The following TNS1 variants were observed in gnomAD, a reference collection of about 807,000 sequenced individuals.
TNS1 encodes the protein tensin-1.
TNS1 carries 62 observed loss-of-function variants against 168.6 expected under a neutral mutation model. The ratio of observed to expected loss-of-function variants is 0.37; its 90% CI spans 0.30 to 0.45. The LOEUF is 0.45. Ranked by LOEUF, TNS1 falls within the 20% of genes least tolerant of loss-of-function variation. The pLI is 1.00. For synonymous variants in TNS1, 934 were observed against 933.2 expected, an observed-to-expected ratio of 1.00 and a Z score of -0.02; for missense variants, 2,240 against 2,339.4, an observed-to-expected ratio of 0.96 and a Z score of 0.88.
chr2:217,829,320 G>C (rs1206028175), intron 22 of TNS1, among the ~76,000 whole-genome samples: 1 of 152,144 alleles, frequency 6.6e-6, no homozygotes, highest in Non-Finnish European at 1.5e-5. Flanking sequence ...GGGAGGCAGA[G>C]GTTGCAGTGA....
intron 1 of TNS1, among the ~76,000 whole-genome samples, chr2:218,024,227 G>A (rs941951048): frequency 4.6e-5 from 7 of 152,122 alleles, no homozygotes; most frequent in African/African-American, 1.7e-4. Flanking sequence ...TGAAGCCTTG[G>A]GGACATAGTG....
intron 8 of TNS1, among the ~76,000 whole-genome samples, chr2:217,897,479 T>C (rs551658796): frequency 6.6e-6 from 1 of 152,216 alleles, no homozygotes; most frequent in Non-Finnish European, 1.5e-5. Context: ...GGAAAGCAGT[T>C]GGAACAGGGC....
At chr2:218,024,317 C>G (rs978191252) in intron 1 of TNS1, among the ~76,000 whole-genome samples, 1 of 151,952 alleles carries the variant, frequency 6.6e-6, no homozygotes, top group Admixed American at 6.6e-5. Flanking sequence ...CCCATCCCCC[C>G]ACGGAATACT....
chr2:217,905,969 AC>A (rs1343228068), intron 6 of TNS1, among the ~76,000 whole-genome samples: 2 of 151,580 alleles, frequency 1.3e-5, no homozygotes, highest in African/African-American at 4.9e-5. Flanking sequence ...AAGGACTAAG[AC>A]CCCCCGCCAA....
At chr2:217,843,795 C>T (rs979537004) in intron 19 of TNS1, among the ~76,000 whole-genome samples, 2 of 152,176 alleles carry the variant, frequency 1.3e-5, no homozygotes, top group Non-Finnish European at 2.9e-5. Context: ...CTCTACCTCC[C>T]TTCATGGCCA....
intron 3 of TNS1, among the ~76,000 whole-genome samples, chr2:217,925,883 A>G (rs1351494964): frequency 6.6e-6 from 1 of 152,176 alleles, no homozygotes; most frequent in African/African-American, 2.4e-5. Context: ...AAGAGTAATC[A>G]TATAATATTT....
intron 13 of TNS1, 39 bp downstream of exon 13, chr2:217,886,495 G>C (rs1207707553): frequency 6.7e-7 from 1 of 1,486,278 alleles, no homozygotes; most frequent in Admixed American, 1.9e-5. Context: ...AAAGGGAGGA[G>C]TTGGCAAGGG....
At chr2:217,973,875 G>T (rs1177186637) in intron 3 of TNS1, among the ~76,000 whole-genome samples, 1 of 152,232 alleles carries the variant, frequency 6.6e-6, no homozygotes. Context: ...AAACGGGAAA[G>T]AACCCAAATG....
chr2:217,884,147 G>GTGGATGGATGGATGGATGGATGGA (rs562041033), intron 16 of TNS1, among the ~76,000 whole-genome samples: 42 of 119,668 alleles, frequency 3.5e-4, no homozygotes, highest in African/African-American at 1.1e-3. Flanking sequence ...GGGTGGGTGG[G>GTGGATGGATGGATGGATGGATGGA]TGGATGGATG....
At position 217,856,549 on chromosome 2, in the gene TNS1, G is replaced by A. The variant is rs375262681; in HGVS notation, c.1430-7462C>T. Among the ~76,000 whole-genome samples, 196 of 152,276 alleles carry A rather than the reference G, an allele frequency of 1.3e-3. 1 individual carries two copies. Among genetic ancestry groups the A allele is most frequent in the South Asian group, 0.011 (53 of 4,814 alleles). Reference sequence around the variant, plus strand: ...GGCTCTGAAGATCTGCAGAATTAGAGGTTGAAGAGAAATCCCGGAACCTCT... The same window carrying A: ...GGCTCTGAAGATCTGCAGAATTAGAAGTTGAAGAGAAATCCCGGAACCTCT... On this transcript the variant is annotated intron_variant, in intron 18 of 32. Coordinates refer to ENST00000682258, the MANE Select transcript of TNS1 (RefSeq NM_001387777.1).
chr2:217,905,240 G>A, intron 6 of TNS1: 2 of 288,962 alleles, frequency 6.9e-6, no homozygotes, highest in Non-Finnish European at 1.4e-5. Flanking sequence ...TCACAAAGCG[G>A]GACAAGGGCC....
chr2:217,859,728 T>C (rs1193566017), intron 18 of TNS1: 1 of 1,520,180 alleles, frequency 6.6e-7, no homozygotes, highest in East Asian at 2.5e-5. Flanking sequence ...TAGCAGAGTA[T>C]CACTTTTCAG....
chr2:217,853,098 T>C (rs1014159192), intron 18 of TNS1, among the ~76,000 whole-genome samples: 1 of 152,014 alleles, frequency 6.6e-6, no homozygotes, highest in Non-Finnish European at 1.5e-5. Flanking sequence ...ACTCTCATCA[T>C]TCCCTTCTCA....
intron 1 of TNS1, among the ~76,000 whole-genome samples, chr2:217,998,444 C>T (rs988923274): frequency 3.3e-5 from 5 of 152,206 alleles, no homozygotes; most frequent in Non-Finnish European, 7.3e-5. Flanking sequence ...AGGGATTGGA[C>T]TGGATTTCCT....
intron 24 of TNS1, among the ~76,000 whole-genome samples, chr2:217,816,680 T>C (rs1173283745): frequency 6.6e-6 from 1 of 152,066 alleles, no homozygotes; most frequent in Admixed American, 6.6e-5. Flanking sequence ...GGGAAGATGG[T>C]GGGAAACAGG....
intron 18 of TNS1, among the ~76,000 whole-genome samples, chr2:217,854,336 G>A (rs914471643): frequency 6.6e-6 from 1 of 152,206 alleles, no homozygotes; most frequent in Admixed American, 6.5e-5. Context: ...CACCTTCATT[G>A]GCAATGACTC....
At chr2:218,030,147 TATA>T in intron 1 of TNS1, among the ~76,000 whole-genome samples, 1 of 152,092 alleles carries the variant, frequency 6.6e-6, no homozygotes, top group South Asian at 2.1e-4. Context: ...TCCCAATCCA[TATA>T]CACACAGCAT....
intron 2 of TNS1, among the ~76,000 whole-genome samples, chr2:217,988,694 G>A (rs1253618333): frequency 6.6e-6 from 1 of 152,210 alleles, no homozygotes; most frequent in African/African-American, 2.4e-5. Flanking sequence ...CCTCTTGGGA[G>A]GAGGGTGACA....
intron 21 of TNS1, among the ~76,000 whole-genome samples, chr2:217,832,767 G>A (rs574202305): frequency 5.9e-5 from 9 of 152,280 alleles, no homozygotes; most frequent in East Asian, 1.9e-4. Flanking sequence ...ACAGGGGTCC[G>A]GATGAGTGGC....
Sources: gnomAD v4.1 joint callset for allele counts (sites outside exome capture counted in the v4.1 genomes callset) on GRCh38, gnomAD v4.1.1 for gene constraint, MANE v1.5 for transcripts, NCBI Gene and HGNC (gene_info 2026-07-23, HGNC 2026-07-21) for gene names.